The following WDR75 variants were observed in gnomAD, a reference collection of about 807,000 sequenced individuals.
WDR75 encodes the protein WD repeat domain 75, also known as WD repeat-containing protein 75.
WDR75 carries 52 observed loss-of-function variants against 106.1 expected under a neutral mutation model. The observed-to-expected ratio is 0.49, with a 90% CI of 0.39 to 0.62. The LOEUF (loss-of-function observed/expected upper bound fraction) is 0.62, where lower values mean the gene tolerates loss of function less well. WDR75 is among the 20% of genes least tolerant of loss of function. The probability of loss-of-function intolerance (pLI) is 0.00; values close to 1 mark genes in which losing one functional copy is unlikely to be tolerated. For synonymous variants in WDR75, 333 were observed against 335.5 expected (o/e 0.99, Z 0.08); for missense variants, 905 against 970.3 (o/e 0.93, Z 0.89).
chr2:189,444,905 C>G (rs774268224), intron 1 of WDR75, among the ~76,000 whole-genome samples: 1 of 152,052 alleles, frequency 6.6e-6, no homozygotes, highest in Non-Finnish European at 1.5e-5. Flanking sequence ...ATTTTTTCTT[C>G]CCACCCCTTA....
At chr2:189,468,246 AGT>A (rs1461544156) in intron 14 of WDR75, among the ~76,000 whole-genome samples, 4 of 152,174 alleles carry the variant, frequency 2.6e-5, no homozygotes, top group Admixed American at 6.6e-5. Flanking sequence ...TATACCGCAC[AGT>A]GTGTTAAAGA....
intron 2 of WDR75, 143 bp downstream of exon 2, chr2:189,448,651 A>C (rs1259827560): frequency 9.7e-7 from 1 of 1,032,886 alleles, no homozygotes; most frequent in Admixed American, 2.2e-5. Flanking sequence ...TCCACTTGCT[A>C]AATTACATTG....
chr2:189,459,616 A>G (rs1686818430), intron 8 of WDR75, among the ~76,000 whole-genome samples, 192 bp downstream of exon 8: 1 of 152,240 alleles, frequency 6.6e-6, no homozygotes, highest in Non-Finnish European at 1.5e-5. Context: ...TCAAAGTTCT[A>G]AAGTGTACAT....
At chr2:189,443,933 G>A (rs183512735) in intron 1 of WDR75, among the ~76,000 whole-genome samples, 263 of 152,296 alleles carry the variant, frequency 1.7e-3, no homozygotes, top group African/African-American at 5.9e-3. Context: ...ATGGAGAAAA[G>A]AGACAGGGTT....
At chr2:189,455,285 A>C in intron 4 of WDR75, 35 bp from the exon 5 acceptor site, 1 of 1,600,590 alleles carries the variant, frequency 6.2e-7, no homozygotes, top group East Asian at 2.2e-5. Context: ...CTCTCTCTAG[A>C]GAAGCTTTAT....
chr2:189,462,395 G>C (rs528043766), intron 8 of WDR75, 89 bp from the exon 9 acceptor site: 102 of 1,426,028 alleles, frequency 7.2e-5, no homozygotes, highest in Non-Finnish European at 9.3e-5. Flanking sequence ...TCTCTAGTAC[G>C]GTAGCAAAAA....
chr2:189,453,388 T>C (rs897892603), intron 4 of WDR75, among the ~76,000 whole-genome samples: 18 of 152,204 alleles, frequency 1.2e-4, no homozygotes, highest in Non-Finnish European at 2.6e-4. Flanking sequence ...CTGTACTCAC[T>C]CCATGATTCC....
At position 189,458,892 on chromosome 2, in the gene WDR75, G is replaced by A. The variant is rs756230744; in HGVS notation, c.689+20G>A. ...TCTTTGGTCAGTTTGCTCATGAAGA[G>A]CATGGCGATCATTTATGTACTATTT... On this transcript the variant is annotated intron_variant, in intron 7 of 20. Transcript: ENST00000314761. The A allele has an allele frequency of 5.7e-6, 9 of 1,592,678 alleles. No homozygotes were observed. In the Admixed American group the frequency reaches 1.6e-4, roughly 28 times the overall value.
chr2:189,445,453 G>A (rs114679041), intron 1 of WDR75, among the ~76,000 whole-genome samples: 220 of 152,246 alleles, frequency 1.4e-3, no homozygotes, highest in African/African-American at 5.2e-3. Flanking sequence ...AGAATGAGAA[G>A]ATGAGGAAGG....
intron 5 of WDR75, among the ~76,000 whole-genome samples, chr2:189,457,050 T>C (rs1686751736): frequency 6.6e-6 from 1 of 152,110 alleles, no homozygotes; most frequent in Non-Finnish European, 1.5e-5. Context: ...GAGACCAGCC[T>C]GGCCAACATG....
intron 12 of WDR75, among the ~76,000 whole-genome samples, chr2:189,465,581 G>A (rs1686983430): frequency 6.6e-6 from 1 of 152,150 alleles, no homozygotes; most frequent in African/African-American, 2.4e-5. Context: ...CTTTTGAAAA[G>A]AGGGAGTGTA....
chr2:189,474,024 C>T (rs1687164586), intron 18 of WDR75, among the ~76,000 whole-genome samples, 162 bp from the exon 19 acceptor site: 1 of 152,164 alleles, frequency 6.6e-6, no homozygotes, highest in African/African-American at 2.4e-5. Context: ...GATGCTAGGC[C>T]TCAGTTGCTT....
intron 12 of WDR75, 22 bp downstream of exon 12, chr2:189,465,276 C>G: frequency 1.3e-6 from 2 of 1,552,168 alleles, no homozygotes; most frequent in Non-Finnish European, 1.7e-6. Flanking sequence ...TGTGTAGCCA[C>G]TTAATTTCAA....
rs753795714 is a variant in WDR75 at position 189,475,205 on chromosome 2, TG to T, written c.2289-7del. On this transcript the variant is annotated splice_region_variant and splice_polypyrimidine_tract_variant and intron_variant, in intron 20 of 20. Transcript: ENST00000314761. ...TAGTGTTTATATTTTATTCTGTTAT[TG>T]TTAAAGTGCTAAGGAAATTCCTGAA... The T allele has an allele frequency of 1.1e-4, 169 of 1,586,844 alleles. No individual in the cohort carries two copies. The highest frequency in any genetic ancestry group is 1.4e-4 in the Non-Finnish European group (162 of 1,162,776).
intron 4 of WDR75, among the ~76,000 whole-genome samples, chr2:189,454,698 T>C (rs1207719976): frequency 2.0e-5 from 3 of 151,842 alleles, no homozygotes; most frequent in South Asian, 2.1e-4. Context: ...ATTTTTTGTA[T>C]TTTTTTAGTA....
At chr2:189,467,390 T>C (rs1483299669) in intron 13 of WDR75, 78 bp from the exon 14 acceptor site, 4 of 1,441,970 alleles carry the variant, frequency 2.8e-6, no homozygotes, top group Non-Finnish European at 3.7e-6. Flanking sequence ...CCTCAGATAA[T>C]GGGAAACTAG....
At chr2:189,466,275 A>G in intron 12 of WDR75, 150 bp from the exon 13 acceptor site, 1 of 830,210 alleles carries the variant, frequency 1.2e-6, no homozygotes, top group Non-Finnish European at 2.0e-6. Flanking sequence ...TGGCCATTAG[A>G]GGTAGAGCAC....
chr2:189,446,431 A>G (rs1686501291), intron 1 of WDR75, among the ~76,000 whole-genome samples: 1 of 152,224 alleles, frequency 6.6e-6, no homozygotes, highest in African/African-American at 2.4e-5. Context: ...GGCTCCAGCC[A>G]AAGGGCAGGT....
chr2:189,460,647 G>A (rs1686860170), intron 8 of WDR75, among the ~76,000 whole-genome samples: 2 of 133,362 alleles, frequency 1.5e-5, no homozygotes, highest in African/African-American at 3.2e-5. Context: ...TGGGACTACA[G>A]GCACGCACCA....
Sources: allele counts gnomAD v4.1 joint callset (sites outside exome capture counted in the v4.1 genomes callset), GRCh38; gene constraint gnomAD v4.1.1; transcripts MANE v1.5; gene names NCBI Gene and HGNC (gene_info 2026-07-23, HGNC 2026-07-21).